BABAM2: variants seen among roughly 807,000 people sequenced by gnomAD.
The protein encoded by BABAM2 is BRISC and BRCA1-A complex member 2.
BABAM2 carries 31 observed loss-of-function variants against 54.7 expected under a neutral mutation model. The ratio of observed to expected loss-of-function variants is 0.57; its 90% CI spans 0.43 to 0.77. BABAM2 has a LOEUF of 0.77. Among genes scored for constraint, BABAM2 ranks in the 30% least tolerant of loss-of-function variants. BABAM2 has a pLI of 0.00. For synonymous variants in BABAM2, 167 were observed against 162.9 expected, an observed-to-expected ratio of 1.03 and a Z score of -0.19; for missense variants, 364 against 455.8, an observed-to-expected ratio of 0.80 and a Z score of 1.83.
At chr2:27,974,942 A>G (rs1160690525) in intron 3 of BABAM2, among the ~76,000 whole-genome samples, 2 of 152,080 alleles carry the variant, frequency 1.3e-5, no homozygotes, top group Non-Finnish European at 2.9e-5. Context: ...TATACTAGCA[A>G]TGAACAATCA....
chr2:28,047,824 G>C (rs768403046), intron 6 of BABAM2, among the ~76,000 whole-genome samples: 2 of 152,098 alleles, frequency 1.3e-5, no homozygotes, highest in South Asian at 4.1e-4. Flanking sequence ...GACCAAAAAG[G>C]AGAAACTCTT....
intron 2 of BABAM2, chr2:27,897,205 A>G (rs1380542038): frequency 6.6e-6 from 1 of 152,180 alleles, no homozygotes; most frequent in African/African-American, 2.4e-5. Context: ...GAAATGTTGT[A>G]TTCTTGATTC....
intron 3 of BABAM2, among the ~76,000 whole-genome samples, chr2:27,969,602 C>T (rs1209722880): frequency 4.6e-5 from 7 of 152,134 alleles, no homozygotes; most frequent in Admixed American, 3.9e-4. Flanking sequence ...AGGTAATGCC[C>T]TTATGCAGAC....
chr2:27,902,041 G>T (rs189206293), intron 2 of BABAM2, among the ~76,000 whole-genome samples: 1 of 152,090 alleles, frequency 6.6e-6, no homozygotes, highest in Non-Finnish European at 1.5e-5. Flanking sequence ...GTATTCCATT[G>T]TGTGAATATG....
chr2:28,088,541 T>C (rs931374451), intron 6 of BABAM2, among the ~76,000 whole-genome samples: 1 of 152,146 alleles, frequency 6.6e-6, no homozygotes, highest in Non-Finnish European at 1.5e-5. Context: ...TGAGGAGACT[T>C]TTGTAGGACA....
intron 1 of BABAM2, among the ~76,000 whole-genome samples, chr2:27,893,396 T>C (rs1665019749): frequency 6.6e-6 from 1 of 152,228 alleles, no homozygotes; most frequent in Non-Finnish European, 1.5e-5. Flanking sequence ...GATAGCTGCA[T>C]AGATGTATGT....
In BABAM2 at chr2:27,929,813, G is replaced by A. The variant is rs1414994612; in HGVS notation, c.129-19G>A. ...TTTTAAAAAATCTTTTCTTTCTTCT[G>A]TTTCTGCATTTTTTAAAGCTGCACA... is the stretch of plus-strand genomic sequence containing the variant. On this transcript the variant is annotated intron_variant, in intron 2 of 11. Coordinates refer to ENST00000379624, the MANE Select transcript of BABAM2 (RefSeq NM_199191.3). 3.1e-6 allele frequency: 5 copies of A among 1,608,248 alleles called. No homozygotes were observed. The highest frequency in any genetic ancestry group is 3.4e-6 in the Non-Finnish European group (4 of 1,175,938).
Position 28,090,281 on chromosome 2 carries a change from C to T in BABAM2, c.571-38990C>T, listed in dbSNP as rs150717145. Among the ~76,000 whole-genome samples, 169 of 152,080 alleles carry T rather than the reference C, an allele frequency of 1.1e-3. 3 individuals carry two copies. The East Asian group carries it at 0.026, about 24-fold the overall frequency. On this transcript the variant is annotated intron_variant, in intron 6 of 11. Transcript: ENST00000379624. Reference sequence around the variant, plus strand: ...CTTTTTTTGAGATGGAGTCTCGCTCCGTCGCCAGGCTGGAGTGCAGTGGCG... The same window carrying T: ...CTTTTTTTGAGATGGAGTCTCGCTCTGTCGCCAGGCTGGAGTGCAGTGGCG...
At chr2:28,011,988 A>T (rs905844659) in intron 4 of BABAM2, among the ~76,000 whole-genome samples, 1 of 152,162 alleles carries the variant, frequency 6.6e-6, no homozygotes, top group Admixed American at 6.5e-5. Flanking sequence ...GGGATTCTTA[A>T]CTCTCTAAGT....
chr2:28,158,397 C>G (rs1190532422), intron 7 of BABAM2, among the ~76,000 whole-genome samples: 1 of 152,172 alleles, frequency 6.6e-6, no homozygotes, highest in Non-Finnish European at 1.5e-5. Flanking sequence ...TACATCAACA[C>G]AAGAAAGTTA....
At position 28,182,139 on chromosome 2, in the gene BABAM2, G is replaced by A. The variant is rs545464756; in HGVS notation, c.680+52759G>A. Among the ~76,000 whole-genome samples the A allele has an allele frequency of 3.3e-5, 5 of 152,222 alleles. No homozygotes were observed. The South Asian group carries it at 8.3e-4, about 25-fold the overall frequency. The stretch of plus-strand genomic sequence containing the variant: ...CTGATCATGTAGGGCCTTACAGGCC[G>A]CTTTAAGGACACTGGCTTATACTCT... On this transcript the variant is annotated intron_variant, in intron 7 of 11. Coordinates refer to ENST00000379624, the MANE Select transcript of BABAM2 (RefSeq NM_199191.3).
chr2:28,020,255 T>A (rs1225061953), intron 4 of BABAM2, among the ~76,000 whole-genome samples: 1 of 152,172 alleles, frequency 6.6e-6, no homozygotes, highest in Non-Finnish European at 1.5e-5. Flanking sequence ...CAAATGGAAT[T>A]TCTTAAACTT....
At chr2:27,938,979 A>C (rs1573215506) in intron 3 of BABAM2, among the ~76,000 whole-genome samples, 1 of 152,128 alleles carries the variant, frequency 6.6e-6, no homozygotes, top group Non-Finnish European at 1.5e-5. Flanking sequence ...TTTGAGACCA[A>C]GTCTTGCTCT....
chr2:28,306,995 C>CTTTTTTT (rs143177903), intron 11 of BABAM2, among the ~76,000 whole-genome samples: 1 of 26,396 alleles, frequency 3.8e-5, no homozygotes, highest in Admixed American at 5.7e-4. Flanking sequence ...CACACCTGGC[C>CTTTTTTT]TTTTTTTTTT....
At chr2:28,258,661 T>G (rs1684201955) in intron 10 of BABAM2, among the ~76,000 whole-genome samples, 1 of 127,888 alleles carries the variant, frequency 7.8e-6, no homozygotes, top group Admixed American at 1.1e-4. Flanking sequence ...TCACCCAGGC[T>G]GTAGTGCAGT....
chr2:28,303,751 A>C (rs1328848409), intron 11 of BABAM2, among the ~76,000 whole-genome samples: 1 of 152,108 alleles, frequency 6.6e-6, no homozygotes, highest in Non-Finnish European at 1.5e-5. Flanking sequence ...ACAAGGGAAG[A>C]ATTGACATTT....
chr2:27,965,503 G>C (rs956473436), intron 3 of BABAM2, among the ~76,000 whole-genome samples: 1 of 151,862 alleles, frequency 6.6e-6, no homozygotes, highest in Non-Finnish European at 1.5e-5. Flanking sequence ...GCGTCATATC[G>C]TGTCATCCAT....
chr2:28,202,370 C>T (rs977693196), intron 7 of BABAM2, among the ~76,000 whole-genome samples: 2 of 152,016 alleles, frequency 1.3e-5, no homozygotes, highest in Admixed American at 1.3e-4. Context: ...TGGAGCTTCC[C>T]CCTCCTGCTT....
intron 10 of BABAM2, among the ~76,000 whole-genome samples, chr2:28,288,139 A>T (rs1334508481): frequency 2.6e-5 from 4 of 152,144 alleles, no homozygotes; most frequent in Non-Finnish European, 2.9e-5. Context: ...CTTTGATGAG[A>T]GTAAAACCAG....
Sources: gnomAD v4.1 joint callset for allele counts (sites outside exome capture counted in the v4.1 genomes callset) on GRCh38, gnomAD v4.1.1 for gene constraint, MANE v1.5 for transcripts, NCBI Gene and HGNC (gene_info 2026-07-23, HGNC 2026-07-21) for gene names.